The following FBXO34 variants were observed in gnomAD, a reference collection of about 807,000 sequenced individuals.
The protein encoded by FBXO34 is F-box protein 34, also known as F-box only protein 34.
FBXO34 carries 12 observed loss-of-function variants against 24.5 expected under a neutral mutation model. The ratio of observed to expected loss-of-function variants is 0.49; its 90% CI spans 0.31 to 0.79. The LOEUF (loss-of-function observed/expected upper bound fraction) is 0.79. Ranked by LOEUF, FBXO34 falls within the 30% of genes least tolerant of loss-of-function variation. The probability of loss-of-function intolerance (pLI) is 0.04; values close to 1 mark genes in which losing one functional copy is unlikely to be tolerated. For synonymous variants in FBXO34, 320 were observed against 311.9 expected (o/e 1.03, Z -0.27); for missense variants, 823 against 857.7 (o/e 0.96, Z 0.51).
At chr14:55,363,362 C>CT (rs1884619622), downstream of FBXO34, among the ~76,000 whole-genome samples, 2 of 149,184 alleles carry the variant, frequency 1.3e-5, no homozygotes, top group South Asian at 4.2e-4. Context: ...AGAGTCTGCT[C>CT]TTTCGTCCAG....
chr14:55,411,924 G>GA, the FBXO34 span: 1 of 1,128,006 alleles, frequency 8.9e-7, no homozygotes, highest in Non-Finnish European at 1.2e-6. Flanking sequence ...GGATGCCGGC[G>GA]AGCCCCCGGA....
At chr14:55,417,379 G>A in the FBXO34 span, among the ~76,000 whole-genome samples, 11 of 142,774 alleles carry the variant, frequency 7.7e-5, no homozygotes, top group Non-Finnish European at 1.7e-4. Context: ...TGGCTCCATA[G>A]TCCTATTAAT....
chr14:55,364,933 A>G (rs886523288), downstream of FBXO34, among the ~76,000 whole-genome samples: 2 of 151,460 alleles, frequency 1.3e-5, no homozygotes, highest in African/African-American at 4.9e-5. Flanking sequence ...ATGGGGTCTC[A>G]CTGGCTGGGC....
chr14:55,402,647 AT>A, the FBXO34 span, among the ~76,000 whole-genome samples: 2 of 151,780 alleles, frequency 1.3e-5, no homozygotes, highest in African/African-American at 4.8e-5. Flanking sequence ...GGCAAATAAG[AT>A]TTAAAAACCT....
chr14:55,411,968 C>CTG, the FBXO34 span: 1 of 733,926 alleles, frequency 1.4e-6, no homozygotes, highest in East Asian at 2.7e-5. Flanking sequence ...GTCCCGGGCA[C>CTG]TGTTGTTTTT....
chr14:55,358,658 A>C (rs1307454656), intron 3 of FBXO34, among the ~76,000 whole-genome samples: 1 of 152,214 alleles, frequency 6.6e-6, no homozygotes, highest in Non-Finnish European at 1.5e-5. Flanking sequence ...AGGAAGGCCA[A>C]AGGATTGGCC....
chr14:55,395,230 G>C, the FBXO34 span: 1 of 361,814 alleles, frequency 2.8e-6, no homozygotes, highest in East Asian at 7.9e-5. Flanking sequence ...TTCCTCTTGG[G>C]CATCCTGGCT....
In FBXO34 at chr14:55,327,908, G is replaced by GTTTTTTTTTTTTTTTTTTTTTT. The variant is rs386381425; in HGVS notation, c.-10-22459_-10-22438dup. The stretch of plus-strand genomic sequence containing the variant: ...CATATGATTTTCTTTGTTGTTGTTG[G>GTTTTTTTTTTTTTTTTTTTTTT]TTTTTTTTTTTTTTTTTTTTTTTTT... On this transcript the variant is annotated intron_variant, in intron 1 of 1. Coordinates refer to ENST00000313833, the MANE Select transcript of FBXO34 (RefSeq NM_017943.4). Among the ~76,000 whole-genome samples, 4 of 48,728 alleles carry GTTTTTTTTTTTTTTTTTTTTTT rather than the reference G, an allele frequency of 8.2e-5. 1 individual carries two copies. Among genetic ancestry groups the GTTTTTTTTTTTTTTTTTTTTTT allele is most frequent in the East Asian group, 6.7e-4 (1 of 1,492 alleles). The allele number at this position is 48,728 out of a possible 152,430, so 32.0% of individuals were successfully genotyped here.
intron 1 of FBXO34, among the ~76,000 whole-genome samples, chr14:55,324,948 G>GA (rs1386598594): frequency 1.4e-4 from 21 of 152,298 alleles, no homozygotes; most frequent in African/African-American, 4.8e-4. Context: ...CTGGCACTTA[G>GA]ATGATCATCT....
downstream of FBXO34, chr14:55,369,829 G>A (rs763941559): frequency 1.1e-5 from 18 of 1,614,044 alleles, no homozygotes; most frequent in African/African-American, 1.3e-5. Context: ...CATCGCTGAC[G>A]CGCTCATCTC....
At chr14:55,290,498 C>G (rs1030550741) in intron 1 of FBXO34, among the ~76,000 whole-genome samples, 23 of 152,168 alleles carry the variant, frequency 1.5e-4, no homozygotes, top group African/African-American at 5.3e-4. Context: ...GTCATCACCC[C>G]CTACCATCAC....
chr14:55,417,295 G>C, the FBXO34 span, among the ~76,000 whole-genome samples: 2 of 152,034 alleles, frequency 1.3e-5, no homozygotes, highest in Admixed American at 1.3e-4. Flanking sequence ...TTGTTAAAAT[G>C]AGGGGATTTG....
At chr14:55,341,648 T>G (rs1883995587) in intron 1 of FBXO34, among the ~76,000 whole-genome samples, 2 of 152,220 alleles carry the variant, frequency 1.3e-5, no homozygotes, top group South Asian at 4.1e-4. Flanking sequence ...TCAAAATGTA[T>G]TAATTTTTTT....
At chr14:55,325,110 G>T (rs1394998145) in intron 1 of FBXO34, among the ~76,000 whole-genome samples, 1 of 152,302 alleles carries the variant, frequency 6.6e-6, no homozygotes, top group East Asian at 1.9e-4. Context: ...TGTGTCCTGG[G>T]TGTGGGGGAA....
chr14:55,364,130 G>A (rs1225487967), downstream of FBXO34, among the ~76,000 whole-genome samples: 1 of 151,456 alleles, frequency 6.6e-6, no homozygotes, highest in African/African-American at 2.4e-5. Context: ...TTGTATTTTA[G>A]TAGAGACCGG....
the FBXO34 span, chr14:55,435,814 CTAA>C: frequency 1.5e-6 from 2 of 1,343,336 alleles, no homozygotes; most frequent in African/African-American, 3.1e-5. Context: ...TAAAGAGAAG[CTAA>C]TTATTGGAAG....
the FBXO34 span, among the ~76,000 whole-genome samples, chr14:55,412,829 G>T: frequency 1.3e-5 from 2 of 152,150 alleles, no homozygotes; most frequent in Non-Finnish European, 2.9e-5. Context: ...AACTCAAAGT[G>T]TTGGAAACTG....
chr14:55,298,308 T>A (rs948442424), intron 1 of FBXO34, among the ~76,000 whole-genome samples: 1 of 152,120 alleles, frequency 6.6e-6, no homozygotes, highest in South Asian at 2.1e-4. Flanking sequence ...AGCCAAAAGA[T>A]TGGACACCCC....
At chr14:55,381,776 A>G in the FBXO34 span, among the ~76,000 whole-genome samples, 2 of 152,200 alleles carry the variant, frequency 1.3e-5, no homozygotes, top group African/African-American at 4.8e-5. Flanking sequence ...TGACACTTTC[A>G]TGCCATGGGG....
Sources: gnomAD v4.1 joint callset for allele counts (sites outside exome capture counted in the v4.1 genomes callset) on GRCh38, gnomAD v4.1.1 for gene constraint, MANE v1.5 for transcripts, NCBI Gene and HGNC (gene_info 2026-07-23, HGNC 2026-07-21) for gene names.